Variants in HIPK3 observed in about 807,000 individuals in gnomAD.
The protein encoded by HIPK3 is homeodomain interacting protein kinase 3.
Under a neutral mutation model 124.2 loss-of-function variants are expected in HIPK3, and 47 were observed. The ratio of observed to expected loss-of-function variants is 0.38; its 90% CI spans 0.30 to 0.48. The LOEUF is 0.48. HIPK3 is among the 20% of genes least tolerant of loss of function. The pLI is 0.98. For synonymous variants in HIPK3, 482 were observed against 515.2 expected (o/e 0.94, Z 0.87); for missense variants, 1,286 against 1,454.3 (o/e 0.88, Z 1.88).
chr11:33,258,806 C>T (rs1231133824), intron 1 of HIPK3: 1 of 850,430 alleles, frequency 1.2e-6, no homozygotes, highest in East Asian at 1.2e-4. Flanking sequence ...GTAACACGTT[C>T]AGGCCTTGAA....
At chr11:33,265,494 C>T (rs1379159718) in intron 1 of HIPK3, among the ~76,000 whole-genome samples, 8 of 152,084 alleles carry the variant, frequency 5.3e-5, no homozygotes, top group Non-Finnish European at 7.3e-5. Flanking sequence ...ATCTTATTGG[C>T]CAGGCACGGT....
At chr11:33,264,594 T>C (rs992237540) in intron 1 of HIPK3, among the ~76,000 whole-genome samples, 6 of 152,226 alleles carry the variant, frequency 3.9e-5, no homozygotes, top group Non-Finnish European at 8.8e-5. Flanking sequence ...CCAAGAAAAT[T>C]GTCTTAAGGA....
intron 2 of HIPK3, among the ~76,000 whole-genome samples, chr11:33,307,025 G>A (rs1360533525): frequency 6.6e-6 from 1 of 151,562 alleles, no homozygotes; most frequent in African/African-American, 2.4e-5. Context: ...TGCAACCTTG[G>A]CCTTTCCAGT....
intron 2 of HIPK3, among the ~76,000 whole-genome samples, chr11:33,304,789 CAT>C (rs1852107672): frequency 1.3e-5 from 2 of 152,282 alleles, no homozygotes; most frequent in African/African-American, 2.4e-5. Context: ...ATTTTCATAA[CAT>C]ATTTCTAGAG....
intron 1 of HIPK3, among the ~76,000 whole-genome samples, chr11:33,268,422 C>T (rs750196053): frequency 2.0e-5 from 3 of 151,252 alleles, no homozygotes. Context: ...AGTGAGACTC[C>T]ATCTCTATAA....
intron 1 of HIPK3, among the ~76,000 whole-genome samples, chr11:33,274,438 A>T (rs1448616721): frequency 1.3e-5 from 2 of 152,190 alleles, no homozygotes; most frequent in Non-Finnish European, 2.9e-5. Flanking sequence ...GTTGTTCATA[A>T]CCCAAACTTA....
At chr11:33,338,679 ATATAT>A in intron 4 of HIPK3, 73 bp from the exon 5 acceptor site, 1 of 766,696 alleles carries the variant, frequency 1.3e-6, no homozygotes, top group Non-Finnish European at 2.1e-6. Flanking sequence ...AGAATATTTA[ATATAT>A]TAGACTAAAT....
At chr11:33,299,231 T>C (rs1054103950) in intron 2 of HIPK3, among the ~76,000 whole-genome samples, 7 of 151,434 alleles carry the variant, frequency 4.6e-5, no homozygotes, top group Admixed American at 1.3e-4. Flanking sequence ...CCTAGCACTT[T>C]GGGAGGTCGA....
chr11:33,289,156 T>C (rs914885080), intron 2 of HIPK3, among the ~76,000 whole-genome samples: 1 of 152,140 alleles, frequency 6.6e-6, no homozygotes, highest in Non-Finnish European at 1.5e-5. Flanking sequence ...TATTAAAATA[T>C]GTATTTGAGC....
chr11:33,262,179 T>C (rs1341663917), intron 1 of HIPK3, among the ~76,000 whole-genome samples: 2 of 152,356 alleles, frequency 1.3e-5, no homozygotes, highest in East Asian at 1.9e-4. Flanking sequence ...AGTCAGTACT[T>C]ATGTGGCCTA....
chr11:33,348,842 C>T, intron 13 of HIPK3, 24 bp downstream of exon 13: 1 of 1,600,604 alleles, frequency 6.2e-7, no homozygotes, highest in East Asian at 2.2e-5. Flanking sequence ...GCTGCATCCT[C>T]AAAGGATATA....
At chr11:33,276,154 C>A (rs994495681) in intron 1 of HIPK3, among the ~76,000 whole-genome samples, 2 of 152,140 alleles carry the variant, frequency 1.3e-5, no homozygotes, top group African/African-American at 4.8e-5. Context: ...TTGCTTTTAC[C>A]TTTTTTTCTC....
intron 13 of HIPK3, 41 bp downstream of exon 13, chr11:33,348,859 A>G (rs746655641): frequency 3.8e-6 from 6 of 1,571,434 alleles, no homozygotes; most frequent in South Asian, 1.2e-5. Flanking sequence ...TATAGATGGC[A>G]TCCTTTGGTG....
At chr11:33,267,351 G>A (rs551481919) in intron 1 of HIPK3, among the ~76,000 whole-genome samples, 1 of 151,940 alleles carries the variant, frequency 6.6e-6, no homozygotes, top group Non-Finnish European at 1.5e-5. Context: ...GACCTCAGGT[G>A]ATCCGCCCAC....
intron 2 of HIPK3, among the ~76,000 whole-genome samples, chr11:33,317,154 A>G (rs995506628): frequency 6.6e-5 from 10 of 151,872 alleles, no homozygotes; most frequent in African/African-American, 2.4e-4. Flanking sequence ...TATTTTTAGT[A>G]GAGATGGGGT....
chr11:33,260,822 G>T (rs1173879574), intron 1 of HIPK3, among the ~76,000 whole-genome samples: 2 of 152,030 alleles, frequency 1.3e-5, no homozygotes, highest in Admixed American at 1.3e-4. Context: ...TTGATTTATT[G>T]TTGCCAAAAT....
At chr11:33,300,764 T>A (rs1851975957) in intron 2 of HIPK3, among the ~76,000 whole-genome samples, 1 of 152,084 alleles carries the variant, frequency 6.6e-6, no homozygotes, top group Admixed American at 6.5e-5. Flanking sequence ...TTTGAGAGTC[T>A]CACTCAGTCA....
chr11:33,344,214 G>A (rs1352686815), intron 8 of HIPK3, among the ~76,000 whole-genome samples: 1 of 152,164 alleles, frequency 6.6e-6, no homozygotes, highest in African/African-American at 2.4e-5. Flanking sequence ...ACTTCAGCAT[G>A]CAAGATTGCT....
At chr11:33,256,853 C>T, upstream of HIPK3, 1 of 253,174 alleles carries the variant, frequency 3.9e-6, no homozygotes, top group South Asian at 1.5e-4. Flanking sequence ...TTACAATTCT[C>T]TTCACTCTTT....
Sources: allele counts gnomAD v4.1 joint callset (sites outside exome capture counted in the v4.1 genomes callset), GRCh38; gene constraint gnomAD v4.1.1; transcripts MANE v1.5; gene names NCBI Gene and HGNC (gene_info 2026-07-23, HGNC 2026-07-21).